The following ULK2 variants were observed in gnomAD, a reference collection of about 807,000 sequenced individuals.
ULK2 encodes the protein unc-51 like autophagy activating kinase 2.
ULK2 carries 76 observed loss-of-function variants against 127.5 expected under a neutral mutation model. The ratio of observed to expected loss-of-function variants is 0.60; its 90% confidence interval spans 0.50 to 0.72. ULK2 has a LOEUF of 0.72. ULK2 is among the 30% of genes least tolerant of loss of function. The probability of loss-of-function intolerance (pLI) is 0.00; values close to 1 mark genes in which losing one functional copy is unlikely to be tolerated. For missense variants in ULK2, 1,144 were observed against 1,295.9 expected, an observed-to-expected ratio of 0.88 and a Z score of 1.80; for synonymous variants, 452 against 461.9, an observed-to-expected ratio of 0.98 and a Z score of 0.28.
At chr17:19,789,339 C>T (rs1015553681) in intron 20 of ULK2, among the ~76,000 whole-genome samples, 3 of 151,962 alleles carry the variant, frequency 2.0e-5, no homozygotes, top group Admixed American at 6.6e-5. Context: ...TGGATCTTAT[C>T]CAAGTCAATG....
At chr17:19,817,635 C>T (rs982741425) in intron 12 of ULK2, among the ~76,000 whole-genome samples, 2 of 152,056 alleles carry the variant, frequency 1.3e-5, no homozygotes, top group African/African-American at 4.8e-5. Flanking sequence ...GTGCAAGGAC[C>T]CTAGTTGACA....
At chr17:19,809,167 G>A (rs2087574770) in intron 14 of ULK2, among the ~76,000 whole-genome samples, 1 of 152,124 alleles carries the variant, frequency 6.6e-6, no homozygotes, top group East Asian at 1.9e-4. Flanking sequence ...AATAAGTCAA[G>A]TCACAAAACA....
intron 8 of ULK2, among the ~76,000 whole-genome samples, chr17:19,841,949 C>T (rs924075356): frequency 2.0e-5 from 3 of 152,064 alleles, no homozygotes; most frequent in Non-Finnish European, 4.4e-5. Context: ...GACCACTATT[C>T]TGAAGGTTAC....
At chr17:19,839,812 T>C (rs952489531) in intron 9 of ULK2, among the ~76,000 whole-genome samples, 150 of 152,230 alleles carry the variant, frequency 9.9e-4, no homozygotes, top group African/African-American at 3.4e-3. Context: ...TAACATTCCA[T>C]GTTGGTAAAA....
At chr17:19,853,100 T>C (rs1031564508) in intron 3 of ULK2, among the ~76,000 whole-genome samples, 2 of 151,844 alleles carry the variant, frequency 1.3e-5, no homozygotes, top group Non-Finnish European at 2.9e-5. Context: ...TCCTGGTTTC[T>C]TTTTTATTTT....
At position 19,842,606 on chromosome 17, in the gene ULK2, C is replaced by T. The variant is rs2041791896; in HGVS notation, c.645+515G>A. Reference sequence around the variant, plus strand: ...AGAAATTATAACATGGCAATATGAACTCAAGAGAAATCATCGTGATTATAC... The same window carrying T: ...AGAAATTATAACATGGCAATATGAATTCAAGAGAAATCATCGTGATTATAC... On this transcript the variant is annotated intron_variant, in intron 8 of 26. Coordinates refer to ENST00000395544, the MANE Select transcript of ULK2 (RefSeq NM_014683.4). 3.3e-5 allele frequency among the ~76,000 whole-genome samples: 5 copies of T among 152,060 alleles called. No homozygotes were observed. In the South Asian group the frequency reaches 1.0e-3, roughly 32 times the overall value.
chr17:19,821,026 G>A (rs1442982931), intron 12 of ULK2, among the ~76,000 whole-genome samples: 2 of 152,080 alleles, frequency 1.3e-5, no homozygotes, highest in Non-Finnish European at 2.9e-5. Context: ...GAATAAATAG[G>A]CCAGGCGAGG....
At chr17:19,838,822 T>TC (rs1316764911) in intron 9 of ULK2, among the ~76,000 whole-genome samples, 1 of 151,326 alleles carries the variant, frequency 6.6e-6, no homozygotes, top group East Asian at 1.9e-4. Flanking sequence ...GGTCAGGAGA[T>TC]CGAGACCATC....
intron 10 of ULK2, among the ~76,000 whole-genome samples, chr17:19,836,190 T>C (rs973684333): frequency 4.7e-5 from 7 of 149,908 alleles, no homozygotes; most frequent in Non-Finnish European, 8.9e-5. Flanking sequence ...GCAGGTGGAT[T>C]ATGAGGTCAG....
At chr17:19,801,205 C>G (rs1192178326) in intron 16 of ULK2, among the ~76,000 whole-genome samples, 1 of 152,164 alleles carries the variant, frequency 6.6e-6, no homozygotes, top group South Asian at 2.1e-4. Context: ...AAAGGAGATG[C>G]TTTTTATACA....
chr17:19,832,127 CA>C (rs961712271), intron 10 of ULK2, among the ~76,000 whole-genome samples: 111 of 127,536 alleles, frequency 8.7e-4, no homozygotes, highest in South Asian at 2.2e-3. Context: ...AACTCCATCT[CA>C]AAAAAAAAAA....
chr17:19,778,025 C>T (rs2086843889), intron 25 of ULK2, among the ~76,000 whole-genome samples: 2 of 152,190 alleles, frequency 1.3e-5, no homozygotes, highest in African/African-American at 4.8e-5. Flanking sequence ...TTTAAACACA[C>T]ACTTCCATAT....
intron 10 of ULK2, among the ~76,000 whole-genome samples, chr17:19,831,861 C>A (rs1044219639): frequency 1.3e-5 from 2 of 151,624 alleles, no homozygotes; most frequent in African/African-American, 4.9e-5. Context: ...CATGGTGGCT[C>A]ACACTTGTAA....
rs528656627 is a variant in ULK2 at position 19,808,609 on chromosome 17, G to A, written c.1157+1769C>T. 5.3e-5 allele frequency among the ~76,000 whole-genome samples: 8 copies of A among 152,144 alleles called. No homozygotes were observed. In the South Asian group the frequency reaches 1.7e-3, roughly 32 times the overall value. On this transcript the variant is annotated intron_variant, in intron 14 of 26. Transcript: ENST00000395544. ...ACCCAAATAACTCAATTTAAAAATG[G>A]GCAAAGATCTTGACTGGACATTTCT...
chr17:19,856,627 CG>C (rs1555566681), intron 3 of ULK2, among the ~76,000 whole-genome samples: 1 of 151,040 alleles, frequency 6.6e-6, no homozygotes, highest in Non-Finnish European at 1.5e-5. Flanking sequence ...TGACATGTAT[CG>C]TTTGTTCCTT....
chr17:19,840,191 A>C, intron 9 of ULK2: 1 of 491,148 alleles, frequency 2.0e-6, no homozygotes, highest in South Asian at 1.5e-5. Context: ...ACCCAGCCGA[A>C]TACAACATAT....
chr17:19,816,030 T>C (rs1198223244), intron 13 of ULK2, among the ~76,000 whole-genome samples: 1 of 152,258 alleles, frequency 6.6e-6, no homozygotes, highest in Admixed American at 6.5e-5. Context: ...TTAGGGATTA[T>C]GGTCTTCACA....
At chr17:19,787,202 T>C (rs891529314) in intron 20 of ULK2, among the ~76,000 whole-genome samples, 1 of 152,184 alleles carries the variant, frequency 6.6e-6, no homozygotes, top group Non-Finnish European at 1.5e-5. Context: ...TTGGCCAGGA[T>C]GGTCTCGATC....
chr17:19,783,926 C>T, intron 21 of ULK2, 21 bp from the exon 22 acceptor site: 1 of 1,455,120 alleles, frequency 6.9e-7, no homozygotes, highest in Non-Finnish European at 9.1e-7. Flanking sequence ...ACAGAGGATA[C>T]ATGGCAGTGT....
Sources: allele counts gnomAD v4.1 joint callset (sites outside exome capture counted in the v4.1 genomes callset), GRCh38; gene constraint gnomAD v4.1.1; transcripts MANE v1.5; gene names NCBI Gene and HGNC (gene_info 2026-07-23, HGNC 2026-07-21).